The following TTL variants were observed in gnomAD, a reference collection of about 807,000 sequenced individuals.
TTL encodes tubulin--tyrosine ligase.
TTL carries 10 observed loss-of-function variants against 41.1 expected under a neutral mutation model. The observed-to-expected ratio is 0.24, with a 90% confidence interval of 0.15 to 0.41. The LOEUF (loss-of-function observed/expected upper bound fraction) is 0.41, where lower values mean the gene tolerates loss of function less well. TTL is among the 10% of genes least tolerant of loss of function. The pLI is 1.00. For missense variants in TTL, 367 were observed against 460.4 expected, an observed-to-expected ratio of 0.80 and a Z score of 1.86; for synonymous variants, 175 against 175.5, an observed-to-expected ratio of 1.00 and a Z score of 0.02.
intron 2 of TTL, among the ~76,000 whole-genome samples, chr2:112,491,344 A>G (rs1440003091): frequency 1.3e-5 from 2 of 152,152 alleles, no homozygotes; most frequent in Non-Finnish European, 2.9e-5. Flanking sequence ...TACATTTGGA[A>G]ATCCTTTGAG....
At chr2:112,516,505 C>G (rs975835312) in intron 5 of TTL, among the ~76,000 whole-genome samples, 2 of 152,110 alleles carry the variant, frequency 1.3e-5, no homozygotes, top group Non-Finnish European at 2.9e-5. Flanking sequence ...GAAACCCTGT[C>G]TCTACTAAAA....
In TTL at chr2:112,489,462, A is replaced by C. The variant is rs117206153; in HGVS notation, c.236+3467A>C. 1.1e-3 allele frequency among the ~76,000 whole-genome samples: 164 copies of C among 152,354 alleles called. 4 individuals are homozygous for C. The East Asian group carries it at 0.03, about 27-fold the overall frequency. On this transcript the variant is annotated intron_variant, in intron 2 of 6. Coordinates refer to ENST00000233336, the MANE Select transcript of TTL (RefSeq NM_153712.5). ...TCTAGAAGAATTGATTTGACTATGA[A>C]GCAAAAGCTTATTTTCAAAATAATG...
intron 5 of TTL, among the ~76,000 whole-genome samples, chr2:112,517,788 A>C (rs936526223): frequency 4.0e-5 from 6 of 150,986 alleles, no homozygotes; most frequent in African/African-American, 1.5e-4. Flanking sequence ...AAAAGTTACA[A>C]AAAAAATTAG....
intron 2 of TTL, among the ~76,000 whole-genome samples, chr2:112,486,215 G>A (rs1386595554): frequency 6.6e-6 from 1 of 152,178 alleles, no homozygotes; most frequent in Admixed American, 6.5e-5. Flanking sequence ...CCTGACTCAG[G>A]GTCTCCTGTG....
At chr2:112,486,407 C>T (rs1451798918) in intron 2 of TTL, among the ~76,000 whole-genome samples, 1 of 152,248 alleles carries the variant, frequency 6.6e-6, no homozygotes, top group African/African-American at 2.4e-5. Flanking sequence ...GACCAGGCCT[C>T]TATGCTCCAG....
rs755293766 is a variant in TTL at position 112,494,309 on chromosome 2, TATAAC to T, written c.405_409del (p.Tyr135Ter). ...TGAAAGAGAATTCTTTCTCGCCTCT[TATAAC>T]AGAAAGAAAGAGGATGGAGAGGGCA... On this transcript the variant is annotated frameshift_variant, in exon 3 of 7. Transcript: ENST00000233336. LOFTEE classifies it high-confidence loss of function. 2.5e-6 allele frequency: 4 copies of T among 1,614,178 alleles called. No individual in the cohort carries two copies. The highest frequency in any genetic ancestry group is 2.2e-5 in the East Asian group (1 of 44,878).
At chr2:112,492,465 T>A (rs1381538371) in intron 2 of TTL, among the ~76,000 whole-genome samples, 1 of 151,806 alleles carries the variant, frequency 6.6e-6, no homozygotes, top group African/African-American at 2.4e-5. Flanking sequence ...GCGCGGTGGC[T>A]CACGCCTGTA....
rs1264551602 is a variant in TTL, at chr2:112,530,275, A to T, written c.*1480A>T. 2 of 231,424 alleles carry T rather than the reference A, an allele frequency of 8.6e-6. No individual in the cohort carries two copies. The highest frequency in any genetic ancestry group is 6.1e-5 in the East Asian group (1 of 16,386). The allele number at this position is 231,424 out of a possible 1,614,324, so 14.3% of individuals were successfully genotyped here. ...ACTTACAATGAAAAAGGCAATAATG[A>T]TAGAAATTATTTCTTAGGTACAGCA... On this transcript the variant is annotated 3_prime_UTR_variant, in exon 7 of 7. Coordinates refer to ENST00000233336, the MANE Select transcript of TTL (RefSeq NM_153712.5).
rs1682577914 is a variant in TTL at position 112,535,185 on chromosome 2, A to T, written c.*6390A>T. 6.6e-6 allele frequency: 1 copy of T among 152,248 alleles called. No individual in the cohort carries two copies. The highest frequency in any genetic ancestry group is 1.5e-5 in the Non-Finnish European group (1 of 68,046). The allele number at this position is 152,248 out of a possible 1,614,324, so 9.4% of individuals were successfully genotyped here. ...AATGAAAGATTTACTTGAGAAGTTT[A>T]AAAAATGTGTGAACTGGTAAAAGAA... On this transcript the variant is annotated 3_prime_UTR_variant, in exon 7 of 7. Coordinates refer to ENST00000233336, the MANE Select transcript of TTL (RefSeq NM_153712.5).
rs1681106983 is a variant in TTL at position 112,482,259 on chromosome 2, C to G, written c.-86C>G. 1 of 955,340 alleles carries G rather than the reference C, an allele frequency of 1.0e-6. No individual in the cohort carries two copies. The highest frequency in any genetic ancestry group is 1.8e-5 in the African/African-American group (1 of 56,120). The allele number at this position is 955,340 out of a possible 1,614,324, so 59.2% of individuals were successfully genotyped here. ...GCGGGGGCCGGGCCGCGGCGGGCGC[C>G]CGGGCGGGGTCCGCGCTGAGCCGCC... On this transcript the variant is annotated 5_prime_UTR_variant, in exon 1 of 7. Transcript: ENST00000233336. This position sits in a 1 kb window ranked among gnomAD's most constrained non-coding sequence, Gnocchi z 5.3.
intron 6 of TTL, among the ~76,000 whole-genome samples, chr2:112,521,936 GATCCGCAC>G: frequency 6.6e-6 from 1 of 152,268 alleles, no homozygotes; most frequent in South Asian, 2.1e-4. Context: ...ATAAGGCAGG[GATCCGCAC>G]CTTCCCTCAC....
intron 5 of TTL, among the ~76,000 whole-genome samples, chr2:112,518,001 A>G (rs902383656): frequency 6.6e-6 from 1 of 151,184 alleles, no homozygotes; most frequent in Non-Finnish European, 1.5e-5. Context: ...GCTGGAGTGC[A>G]GTGACATGAT....
chr2:112,529,754 A>C lies in TTL; in HGVS notation c.*959A>C, dbSNP rs1682461760. ...CCTTTTTGTTCTTTTTATGCCCCCA[A>C]GCACTTTCTGCAGTAGCTAGAGGGA... is the stretch of plus-strand genomic sequence containing the variant. On this transcript the variant is annotated 3_prime_UTR_variant, in exon 7 of 7. Transcript: ENST00000233336. 2 of 221,018 alleles carry C rather than the reference A, an allele frequency of 9.0e-6. No homozygotes were observed. The highest frequency in any genetic ancestry group is 3.7e-4 in the South Asian group (2 of 5,430). 13.7% of individuals were successfully genotyped at this position (221,018 alleles called of 1,614,324 possible).
intron 3 of TTL, among the ~76,000 whole-genome samples, chr2:112,497,582 G>T: frequency 6.6e-6 from 1 of 151,890 alleles, no homozygotes; most frequent in Non-Finnish European, 1.5e-5. Flanking sequence ...AAAAATCTGA[G>T]TCTGATTCCT....
chr2:112,487,441 TTAAA>T (rs1382922257), intron 2 of TTL, among the ~76,000 whole-genome samples: 2 of 152,252 alleles, frequency 1.3e-5, no homozygotes, highest in Non-Finnish European at 2.9e-5. Flanking sequence ...GAAATTCTTA[TTAAA>T]TATTTATTAA....
At chr2:112,526,197 G>T (rs1263130097) in intron 6 of TTL, among the ~76,000 whole-genome samples, 2 of 152,058 alleles carry the variant, frequency 1.3e-5, no homozygotes, top group Non-Finnish European at 2.9e-5. Flanking sequence ...CCAGTATTTT[G>T]TTGAGGATTT....
rs778158511 is a variant in TTL at position 112,528,829 on chromosome 2, C to G, written c.*34C>G. ...ACTCCCTGCTGCCTTGGAAAAAGCA[C>G]GGGGTCCTGCTCCAGGGAATGGTGA... On this transcript the variant is annotated 3_prime_UTR_variant, in exon 7 of 7. Transcript: ENST00000233336. 3 of 1,495,390 alleles carry G rather than the reference C, an allele frequency of 2.0e-6. No homozygotes were observed. Among genetic ancestry groups the G allele is most frequent in the Non-Finnish European group, 9.3e-7 (1 of 1,071,966 alleles). 92.6% of individuals were successfully genotyped at this position (1,495,390 alleles called of 1,614,324 possible).
chr2:112,498,268 A>G (rs2104455435), intron 3 of TTL, among the ~76,000 whole-genome samples: 1 of 152,262 alleles, frequency 6.6e-6, no homozygotes, highest in South Asian at 2.1e-4. Context: ...GGTTGCAGTG[A>G]GCTGAGATCG....
At chr2:112,526,969 G>C (rs1477770863) in intron 6 of TTL, among the ~76,000 whole-genome samples, 1 of 152,220 alleles carries the variant, frequency 6.6e-6, no homozygotes, top group African/African-American at 2.4e-5. Flanking sequence ...ATGTGTCCCA[G>C]AGATTCTGGT....
Sources: gnomAD v4.1 joint callset for allele counts (sites outside exome capture counted in the v4.1 genomes callset) on GRCh38, gnomAD v4.1.1 for gene constraint, Gnocchi (gnomAD v3.1) non-coding constraint, MANE v1.5 for transcripts, NCBI Gene and HGNC (gene_info 2026-07-23, HGNC 2026-07-21) for gene names.